Variants in SPPL3 observed in about 807,000 individuals in gnomAD.
SPPL3 encodes signal peptide peptidase like 3, also known as signal peptide peptidase-like 3.
SPPL3 carries 5 observed loss-of-function variants against 42.4 expected under a neutral mutation model. The ratio of observed to expected loss-of-function variants is 0.12; its 90% CI spans 0.06 to 0.25. SPPL3 has a LOEUF of 0.25. Ranked by LOEUF, SPPL3 falls within the 10% of genes least tolerant of loss-of-function variation. The probability of loss-of-function intolerance (pLI) is 1.00; values close to 1 mark genes in which losing one functional copy is unlikely to be tolerated. For missense variants in SPPL3, 235 were observed against 489.0 expected, an observed-to-expected ratio of 0.48 and a Z score of 4.90; for synonymous variants, 195 against 181.8, an observed-to-expected ratio of 1.07 and a Z score of -0.58.
At chr12:120,802,377 ATGTATATATATACACATATATGTG>A (rs1870333699) in intron 2 of SPPL3, among the ~76,000 whole-genome samples, 2 of 139,976 alleles carry the variant, frequency 1.4e-5, no homozygotes, top group African/African-American at 5.8e-5. Context: ...ATACATATAT[ATGTATATATATACACATATATGTG>A]TGTGTGTGTG....
At chr12:120,899,465 T>C (rs1425868279) in intron 1 of SPPL3, among the ~76,000 whole-genome samples, 1 of 152,340 alleles carries the variant, frequency 6.6e-6, no homozygotes, top group South Asian at 2.1e-4. Flanking sequence ...TGTACTACAA[T>C]GTGCTAGGCA....
In SPPL3 at chr12:120,782,783, C is replaced by CACTT. The variant is rs1869588793; in HGVS notation, c.390-20_390-17dup. On this transcript the variant is annotated splice_polypyrimidine_tract_variant and intron_variant, in intron 5 of 10. Coordinates refer to ENST00000353487, the MANE Select transcript of SPPL3 (RefSeq NM_139015.5). ...AAAGGAAATCCTGGAAAACACACAACACTTATTGGACAGTGGGCACACTTT... is the reference window on the plus strand; with the variant it reads ...AAAGGAAATCCTGGAAAACACACAACACTTACTTATTGGACAGTGGGCACACTTT... 6.4e-7 allele frequency: 1 copy of CACTT among 1,572,190 alleles called. No homozygotes were observed. The highest frequency in any genetic ancestry group is 1.4e-5 in the African/African-American group (1 of 74,046).
chr12:120,781,585 TTTTTTTG>T, intron 6 of SPPL3, among the ~76,000 whole-genome samples: 5 of 118,182 alleles, frequency 4.2e-5, no homozygotes, highest in African/African-American at 1.7e-4. Context: ...TTTTTTTTTT[TTTTTTTG>T]AGACGGAGTC....
At chr12:120,871,133 A>AAAAAAAAAAAAAAAAAAAAAAAAAAG (rs1396644476) in intron 1 of SPPL3, among the ~76,000 whole-genome samples, 1 of 142,580 alleles carries the variant, frequency 7.0e-6, no homozygotes, top group East Asian at 2.0e-4. Flanking sequence ...CCGTCTCCAA[A>AAAAAAAAAAAAAAAAAAAAAAAAAAG]AAAAAAAAAA....
At chr12:120,882,465 G>C (rs1688211728) in intron 1 of SPPL3, among the ~76,000 whole-genome samples, 1 of 152,184 alleles carries the variant, frequency 6.6e-6, no homozygotes, top group African/African-American at 2.4e-5. Flanking sequence ...ATAGGACTTT[G>C]TATACACATG....
At chr12:120,874,452 CAAAAA>C (rs71076673) in intron 1 of SPPL3, among the ~76,000 whole-genome samples, 4 of 97,406 alleles carry the variant, frequency 4.1e-5, no homozygotes, top group Admixed American at 1.1e-4. Flanking sequence ...GACCCTGTCG[CAAAAA>C]AAAAAAAAAA....
chr12:120,807,983 C>G (rs75257486), intron 2 of SPPL3, among the ~76,000 whole-genome samples: 1 of 151,722 alleles, frequency 6.6e-6, no homozygotes, highest in East Asian at 1.9e-4. Context: ...GCTGGAGGTC[C>G]TGAAAACTGT....
intron 6 of SPPL3, among the ~76,000 whole-genome samples, chr12:120,776,992 T>C (rs991762757): frequency 3.3e-5 from 5 of 152,210 alleles, no homozygotes; most frequent in African/African-American, 9.6e-5. Context: ...GGTGCTTTCA[T>C]TGTCTCATTC....
intron 1 of SPPL3, among the ~76,000 whole-genome samples, chr12:120,813,156 C>G (rs542744429): frequency 6.6e-6 from 1 of 151,848 alleles, no homozygotes; most frequent in African/African-American, 2.4e-5. Flanking sequence ...GAGAGATGCT[C>G]AACCTTTTCT....
chr12:120,904,213 C>T lies in SPPL3; in HGVS notation c.-346G>A, dbSNP rs1016293353. 60 of 224,854 alleles carry T rather than the reference C, an allele frequency of 2.7e-4. No individual in the cohort carries two copies. Among genetic ancestry groups the T allele is most frequent in the African/African-American group, 1.3e-3 (56 of 41,890 alleles). The allele number at this position is 224,854 out of a possible 1,614,324, so 13.9% of individuals were successfully genotyped here. A position where few individuals can be genotyped will look rare whatever the true frequency, so the allele number is the denominator to read the frequency against. ...GGGCGAACGGCAAGACGGGCCCGCG[C>T]TCACTGCGCGCGGGGCCGCGGGAGC... On this transcript the variant is annotated 5_prime_UTR_variant, in exon 1 of 11. Transcript: ENST00000353487.
intron 2 of SPPL3, 125 bp from the exon 3 acceptor site, chr12:120,791,682 A>G (rs2136986147): frequency 1.5e-6 from 1 of 652,382 alleles, no homozygotes; most frequent in Non-Finnish European, 2.7e-6. Flanking sequence ...ACAACTCTGA[A>G]AAATAGCTCT....
chr12:120,793,411 C>T (rs1403997027), intron 2 of SPPL3, among the ~76,000 whole-genome samples: 1 of 152,168 alleles, frequency 6.6e-6, no homozygotes, highest in Non-Finnish European at 1.5e-5. Flanking sequence ...TAGGAGATCA[C>T]TTGAGCCCAG....
In SPPL3 at chr12:120,879,092, A is replaced by AGCTTGG. The variant is rs1184543535; in HGVS notation, c.23+24752_23+24753insCCAAGC. Among the ~76,000 whole-genome samples the AGCTTGG allele has an allele frequency of 7.6e-5, 11 of 144,890 alleles. No individual in the cohort carries two copies. In the Admixed American group the frequency reaches 7.8e-4, roughly 10 times the overall value. On this transcript the variant is annotated intron_variant, in intron 1 of 10. Coordinates refer to ENST00000353487, the MANE Select transcript of SPPL3 (RefSeq NM_139015.5). ...CGCGCCATTGCACTCCAGCCTGGGC[A>AGCTTGG]ACAAGAGCAAAACTCTGTCTCAAAA... is the stretch of plus-strand genomic sequence containing the variant.
chr12:120,780,810 G>A (rs116947082), intron 6 of SPPL3, among the ~76,000 whole-genome samples: 5,349 of 151,828 alleles, frequency 0.035, 153 homozygotes, highest in Non-Finnish European at 0.053. Context: ...CTACTTGGGA[G>A]GCTGAGGCAG....
chr12:120,834,325 G>A (rs1301251221), intron 1 of SPPL3, among the ~76,000 whole-genome samples: 2 of 152,186 alleles, frequency 1.3e-5, no homozygotes, highest in Non-Finnish European at 2.9e-5. Flanking sequence ...AATGGGCAAT[G>A]GAGTGGTGAA....
chr12:120,831,387 C>T lies in SPPL3; in HGVS notation c.24-20501G>A, dbSNP rs760959525. 2.0e-5 allele frequency among the ~76,000 whole-genome samples: 3 copies of T among 152,116 alleles called. No individual in the cohort carries two copies. The East Asian group carries it at 5.8e-4, about 29-fold the overall frequency. On this transcript the variant is annotated intron_variant, in intron 1 of 10. Transcript: ENST00000353487. ...TACAATGGGTCCTCCAGCACTCACC[C>T]CAAATTAAGCATGTTTCCTTTTACA...
chr12:120,829,424 C>T (rs996522389), intron 1 of SPPL3, among the ~76,000 whole-genome samples: 1 of 151,238 alleles, frequency 6.6e-6, no homozygotes, highest in African/African-American at 2.4e-5. Flanking sequence ...GGTGAAACCC[C>T]GTCTCTACTA....
intron 2 of SPPL3, among the ~76,000 whole-genome samples, chr12:120,794,359 G>A (rs1295059173): frequency 2.6e-5 from 4 of 151,624 alleles, no homozygotes; most frequent in Non-Finnish European, 4.4e-5. Context: ...ATATATTTGG[G>A]TCTTGCTTTT....
At chr12:120,892,007 G>A (rs1011866077) in intron 1 of SPPL3, among the ~76,000 whole-genome samples, 2 of 152,052 alleles carry the variant, frequency 1.3e-5, no homozygotes, top group African/African-American at 4.8e-5. Flanking sequence ...TAGAAAGTTA[G>A]GCAAATTTGG....
Sources: allele counts gnomAD v4.1 joint callset (sites outside exome capture counted in the v4.1 genomes callset), GRCh38; gene constraint gnomAD v4.1.1; transcripts MANE v1.5; gene names NCBI Gene and HGNC (gene_info 2026-07-23, HGNC 2026-07-21).